TET1: variants seen among roughly 807,000 people sequenced by gnomAD.
TET1 encodes the protein tet methylcytosine dioxygenase 1, also known as methylcytosine dioxygenase TET1.
In TET1, 13 loss-of-function variants were observed where a neutral mutation model predicts 148.7. The observed-to-expected ratio is 0.09, with a 90% CI of 0.06 to 0.14. The LOEUF is 0.14. Ranked by LOEUF, TET1 falls within the 10% of genes least tolerant of loss-of-function variation. The pLI is 1.00. For missense variants in TET1, 2,182 were observed against 2,553.8 expected, an observed-to-expected ratio of 0.85 and a Z score of 3.14; for synonymous variants, 907 against 937.2, an observed-to-expected ratio of 0.97 and a Z score of 0.59.
chr10:68,632,601 T>C, intron 3 of TET1: 1 of 1,580,626 alleles, frequency 6.3e-7, no homozygotes, highest in Non-Finnish European at 8.7e-7. Context: ...GGTTTCACTG[T>C]AGGTATAATT....
intron 2 of TET1, among the ~76,000 whole-genome samples, 175 bp from the exon 3 acceptor site, chr10:68,600,806 A>G (rs2054045285): frequency 6.6e-6 from 1 of 152,166 alleles, no homozygotes; most frequent in Non-Finnish European, 1.5e-5. Context: ...AGATTTTTTT[A>G]GTGACTTTTA....
intron 1 of TET1, among the ~76,000 whole-genome samples, chr10:68,569,972 T>C (rs558192230): frequency 5.9e-5 from 9 of 152,280 alleles, no homozygotes; most frequent in Admixed American, 2.6e-4. Context: ...TTTTTTAAAA[T>C]AATTTCAACT....
At chr10:68,670,378 A>G (rs904759945) in intron 7 of TET1, among the ~76,000 whole-genome samples, 8 of 152,212 alleles carry the variant, frequency 5.3e-5, no homozygotes, top group Non-Finnish European at 1.2e-4. Context: ...CTGTTAATCA[A>G]TTTTGGTTTA....
chr10:68,631,111 A>G lies in TET1; in HGVS notation c.1969-13587A>G, dbSNP rs540120347. 2.6e-5 allele frequency among the ~76,000 whole-genome samples: 4 copies of G among 152,332 alleles called. No homozygotes were observed. In the South Asian group the frequency reaches 6.2e-4, roughly 24 times the overall value. ...AGGAGACTCGAACCCAGGAATTCAA[A>G]GGTGCAGTGAGTTGTGATTCTGCCA... On this transcript the variant is annotated intron_variant, in intron 3 of 11. Coordinates refer to ENST00000373644, the MANE Select transcript of TET1 (RefSeq NM_030625.3).
chr10:68,619,342 A>C (rs2054337864), intron 3 of TET1, among the ~76,000 whole-genome samples: 1 of 151,840 alleles, frequency 6.6e-6, no homozygotes, highest in Non-Finnish European at 1.5e-5. Context: ...CGATCCTCCC[A>C]CCTCAGTCTC....
In TET1 at chr10:68,646,126, A is replaced by G. The variant is rs1483986122; in HGVS notation, c.3397A>G (p.Asn1133Asp). Residue 1133 changes from asparagine to aspartate, a missense_variant, in exon 4 of 12, where the codon AAT (asparagine) becomes GAT (aspartate). Coordinates refer to ENST00000373644, the MANE Select transcript of TET1 (RefSeq NM_030625.3). ...IQQKPPSSVH[N>D]NHGSSLTKQK... ...ACAGAAACCACCTTCAAGTGTACAC[A>G]ATAATCATGGTTCATCATTAACAAA... 2 of 1,613,786 alleles carry G rather than the reference A, an allele frequency of 1.2e-6. No homozygotes were observed. The highest frequency in any genetic ancestry group is 1.7e-6 in the Non-Finnish European group (2 of 1,179,950).
At chr10:68,569,166 C>CTTT (rs34385747) in intron 1 of TET1, among the ~76,000 whole-genome samples, 1,752 of 69,806 alleles carry the variant, frequency 0.025, 173 homozygotes, top group African/African-American at 0.083. Context: ...AGGAGAGTTT[C>CTTT]TTTTTTTTTT....
At position 68,612,079 on chromosome 10, in the gene TET1, CTTG is replaced by C. The variant is rs534217288; in HGVS notation, c.1968+11054_1968+11056del. 3.9e-4 allele frequency among the ~76,000 whole-genome samples: 59 copies of C among 150,962 alleles called. No homozygotes were observed. In the South Asian group the frequency reaches 7.7e-3, roughly 20 times the overall value. ...TTTACTTACAATGGATGAGGCATATCTTGTTGTTGTTTTCTTTTTTTTTTTTAT... is the reference window on the plus strand; with the variant it reads ...TTTACTTACAATGGATGAGGCATATCTTGTTGTTTTCTTTTTTTTTTTTAT... On this transcript the variant is annotated intron_variant, in intron 3 of 11. Coordinates refer to ENST00000373644, the MANE Select transcript of TET1 (RefSeq NM_030625.3).
intron 2 of TET1, among the ~76,000 whole-genome samples, chr10:68,583,975 A>G (rs2132820744): frequency 6.6e-6 from 1 of 152,328 alleles, no homozygotes; most frequent in South Asian, 2.1e-4. Flanking sequence ...CTAACAGCAC[A>G]TAACAAGTGC....
Position 68,667,290 on chromosome 10 carries a change from C to CGAA in TET1, c.4673+34_4673+35insGAA, listed in dbSNP as rs762953088. ...ATCTGTTTTATACTGCCTTACCATT[C>CGAA]AGATCTCTATTACATATTGGTAAAA... On this transcript the variant is annotated intron_variant, in intron 7 of 11. Coordinates refer to ENST00000373644, the MANE Select transcript of TET1 (RefSeq NM_030625.3). The CGAA allele has an allele frequency of 3.7e-5, 58 of 1,547,664 alleles. No individual in the cohort carries two copies. The Admixed American group carries it at 1.1e-3, about 29-fold the overall frequency.
intron 1 of TET1, among the ~76,000 whole-genome samples, chr10:68,566,823 C>CTTT (rs58151009): frequency 1.5e-5 from 2 of 131,114 alleles, no homozygotes; most frequent in Non-Finnish European, 3.3e-5. Flanking sequence ...CTCTCTCTCT[C>CTTT]TTTTTTTTTT....
chr10:68,622,966 C>T (rs984637806), intron 3 of TET1, among the ~76,000 whole-genome samples: 2 of 152,230 alleles, frequency 1.3e-5, no homozygotes, highest in African/African-American at 4.8e-5. Flanking sequence ...AGGTGCCCTG[C>T]TGTGTATCAT....
chr10:68,575,702 CAAATAAATAAATAAAT>C (rs34948432), intron 2 of TET1, among the ~76,000 whole-genome samples: 4 of 140,668 alleles, frequency 2.8e-5, no homozygotes, highest in South Asian at 2.3e-4. Flanking sequence ...AACTCCATCT[CAAATAAATAAATAAAT>C]AAATAAATAA....
rs766525413 is a variant in TET1, at chr10:68,572,430, C to T, written c.92C>T (p.Thr31Ile). 6.0e-5 allele frequency: 97 copies of T among 1,613,944 alleles called. 2 individuals are homozygous for T. In the Middle Eastern group the frequency reaches 4.9e-3, roughly 82 times the overall value. ...AAAAACAGCCAACTACGAAAGACAA[C>T]CAAGGGAGCCAACAAAAATGTGGCA... is the stretch of plus-strand genomic sequence containing the variant. ...KKKNSQLRKTTKGANKNVASV... is the reference protein window; with the variant it reads ...KKKNSQLRKTIKGANKNVASV... The change falls in exon 2 of 12, where the codon ACC becomes ATC. Residue 31 changes from threonine (T) to isoleucine (I), a missense_variant. By Grantham distance (89) the Thr-to-Ile change is moderately conservative. Coordinates refer to ENST00000373644, the MANE Select transcript of TET1 (RefSeq NM_030625.3).
intron 1 of TET1, among the ~76,000 whole-genome samples, chr10:68,562,516 A>AT (rs2053565333): frequency 2.6e-5 from 4 of 152,024 alleles, no homozygotes; most frequent in Admixed American, 1.3e-4. Context: ...CAATTAAGGG[A>AT]TTTTTAATTA....
Position 68,561,411 on chromosome 10 carries a change from G to A in TET1, c.-123+669G>A, listed in dbSNP as rs914039534. Among the ~76,000 whole-genome samples the A allele has an allele frequency of 7.2e-5, 11 of 152,314 alleles. No individual in the cohort carries two copies. The East Asian group carries it at 1.9e-3, about 27-fold the overall frequency. ...TTGGCTGGGAGTTGTAAGGATCAGG[G>A]AAGAAGGGAAGAGGGAGTAGAGTGT... On this transcript the variant is annotated intron_variant, in intron 1 of 11. Coordinates refer to ENST00000373644, the MANE Select transcript of TET1 (RefSeq NM_030625.3).
chr10:68,633,659 G>A (rs1353763618), intron 3 of TET1, among the ~76,000 whole-genome samples: 1 of 152,152 alleles, frequency 6.6e-6, no homozygotes, highest in Non-Finnish European at 1.5e-5. Flanking sequence ...CGCTGGTCCT[G>A]ACCTCAAGTG....
At chr10:68,632,301 G>A in intron 3 of TET1, 1 of 1,303,044 alleles carries the variant, frequency 7.7e-7, no homozygotes, top group Non-Finnish European at 1.1e-6. Context: ...CAGCCTGGGT[G>A]ACAGAGCCAG....
chr10:68,616,779 C>T (rs1457494129), intron 3 of TET1, among the ~76,000 whole-genome samples: 1 of 144,282 alleles, frequency 6.9e-6, no homozygotes, highest in Non-Finnish European at 1.5e-5. Context: ...GCAATCTCGG[C>T]TCACGGCAAC....
Sources: allele counts gnomAD v4.1 joint callset (sites outside exome capture counted in the v4.1 genomes callset), GRCh38; gene constraint gnomAD v4.1.1; transcripts MANE v1.5; gene names NCBI Gene and HGNC (gene_info 2026-07-23, HGNC 2026-07-21).